SWT1: variants seen among roughly 807,000 people sequenced by gnomAD.
SWT1 encodes the protein SWT1 RNA endoribonuclease homolog, also known as transcriptional protein SWT1.
Under a neutral mutation model 107.3 loss-of-function variants are expected in SWT1, and 33 were observed. That is an observed-to-expected ratio of 0.31 (90% CI 0.23 to 0.41). The LOEUF (loss-of-function observed/expected upper bound fraction) is 0.41, where lower values mean the gene tolerates loss of function less well. Among genes scored for constraint, SWT1 ranks in the 10% least tolerant of loss-of-function variants. The pLI, the probability that SWT1 is intolerant of heterozygous loss-of-function variation, is 1.00. For missense variants in SWT1, 898 were observed against 1,028.9 expected, an observed-to-expected ratio of 0.87 and a Z score of 1.74; for synonymous variants, 345 against 348.3, an observed-to-expected ratio of 0.99 and a Z score of 0.11.
chr1:185,207,402 C>G (rs1658422284), intron 13 of SWT1, among the ~76,000 whole-genome samples: 1 of 152,136 alleles, frequency 6.6e-6, no homozygotes, highest in Non-Finnish European at 1.5e-5. Context: ...CTTTGGCCCT[C>G]AACCCCAACT....
At chr1:185,183,810 C>T (rs966983521) in intron 7 of SWT1, among the ~76,000 whole-genome samples, 1 of 152,138 alleles carries the variant, frequency 6.6e-6, no homozygotes. Context: ...TCTTAAGAAT[C>T]GAAGTAAAAG....
chr1:185,188,107 C>G (rs1327610669), intron 9 of SWT1, among the ~76,000 whole-genome samples: 1 of 152,078 alleles, frequency 6.6e-6, no homozygotes, highest in Non-Finnish European at 1.5e-5. Context: ...AAAACTTCAC[C>G]CAAGGATACA....
At chr1:185,206,826 C>A in intron 13 of SWT1, 63 bp downstream of exon 13, 1 of 1,145,714 alleles carries the variant, frequency 8.7e-7, no homozygotes, top group Non-Finnish European at 1.2e-6. Context: ...AGATATATTT[C>A]CTGGGATGTG....
At chr1:185,164,171 A>G (rs538267517) in intron 2 of SWT1, among the ~76,000 whole-genome samples, 1 of 151,100 alleles carries the variant, frequency 6.6e-6, no homozygotes, top group South Asian at 2.1e-4. Flanking sequence ...TTTGAAAGGA[A>G]TCTTTTTTTT....
intron 16 of SWT1, among the ~76,000 whole-genome samples, chr1:185,239,206 A>C (rs1661097037): frequency 6.6e-6 from 1 of 152,126 alleles, no homozygotes; most frequent in South Asian, 2.1e-4. Context: ...GACTTTGGGC[A>C]TGTCATTTAC....
chr1:185,214,892 T>TCC (rs1307470280), intron 14 of SWT1, among the ~76,000 whole-genome samples: 6 of 152,188 alleles, frequency 3.9e-5, no homozygotes, highest in African/African-American at 1.4e-4. Context: ...TATATTATTT[T>TCC]CACTTATGGA....
intron 15 of SWT1, 77 bp from the exon 16 acceptor site, chr1:185,231,500 A>C: frequency 9.8e-7 from 1 of 1,019,230 alleles, no homozygotes; most frequent in Non-Finnish European, 1.5e-6. Context: ...TTTACTTTAT[A>C]CATTTGCAGC....
In SWT1 at chr1:185,166,618, C is replaced by T; in HGVS notation, c.131C>T (p.Ser44Phe). The T allele has an allele frequency of 6.2e-7, 1 of 1,604,202 alleles. No individual in the cohort carries two copies. Reference protein sequence around the residue: ...KTPASSTSSSSIRSVSSEKRK... With the variant: ...KTPASSTSSSFIRSVSSEKRK... ...CCAGCAAGTTCTACTAGTTCATCTT[C>T]TATAAGATCAGTTTCATCAGAAAAG... The change falls in exon 3 of 19, where the codon TCT becomes TTT. Residue 44 changes from serine to phenylalanine, a missense_variant. Transcript: ENST00000367500.
chr1:185,277,053 T>C (rs1664289859), intron 18 of SWT1, among the ~76,000 whole-genome samples: 1 of 152,140 alleles, frequency 6.6e-6, no homozygotes, highest in South Asian at 2.1e-4. Context: ...TTAAGATAAA[T>C]AAAATATTAT....
chr1:185,288,854 G>A (rs1273819878), intron 18 of SWT1, among the ~76,000 whole-genome samples: 1 of 152,168 alleles, frequency 6.6e-6, no homozygotes, highest in African/African-American at 2.4e-5. Flanking sequence ...TCCACAATTT[G>A]TAGTCTCATG....
chr1:185,288,420 G>C (rs1200254622), intron 18 of SWT1, among the ~76,000 whole-genome samples: 1 of 152,052 alleles, frequency 6.6e-6, no homozygotes, highest in Non-Finnish European at 1.5e-5. Context: ...GTCAAGAAGT[G>C]ACATTATTCC....
chr1:185,254,757 G>A (rs1472283763), intron 16 of SWT1, among the ~76,000 whole-genome samples: 1 of 150,252 alleles, frequency 6.7e-6, no homozygotes, highest in Non-Finnish European at 1.5e-5. Flanking sequence ...TTTTTTGAAG[G>A]GTTTTTTGTG....
chr1:185,235,907 TAAC>T (rs1367665526), intron 16 of SWT1, among the ~76,000 whole-genome samples: 1 of 150,490 alleles, frequency 6.6e-6, no homozygotes, highest in Admixed American at 6.6e-5. Context: ...TTTACAATAA[TAAC>T]AAACAGCCAA....
chr1:185,239,087 G>A (rs951472163), intron 16 of SWT1, among the ~76,000 whole-genome samples: 11 of 152,054 alleles, frequency 7.2e-5, no homozygotes, highest in Middle Eastern at 3.4e-3. Flanking sequence ...ATTGGGGCTC[G>A]ATAATCAGGT....
intron 17 of SWT1, among the ~76,000 whole-genome samples, chr1:185,272,208 A>G (rs1571681707): frequency 6.6e-6 from 1 of 152,238 alleles, no homozygotes; most frequent in Non-Finnish European, 1.5e-5. Flanking sequence ...CTGGAGGTAG[A>G]ACTATAATGA....
rs772807115 is a variant in SWT1, at chr1:185,180,414, C to T, written c.990C>T (p.Ser330=). Residue 330 remains serine, a synonymous_variant, in exon 6 of 19, where the codon TCC becomes TCT. Coordinates refer to ENST00000367500, the MANE Select transcript of SWT1 (RefSeq NM_017673.7). ...AGAGTTTTGAAGCACCATGTTGTTC[C>T]GTGTCATCTGAAAGTATCCAGGATG... ...LTQSFEAPCC[S]VSSESIQDAD... is the part of the protein sequence containing the mutation. 2.9e-5 allele frequency: 47 copies of T among 1,613,068 alleles called. No homozygotes were observed. The highest frequency in any genetic ancestry group is 3.3e-5 in the Non-Finnish European group (39 of 1,179,248).
intron 16 of SWT1, among the ~76,000 whole-genome samples, chr1:185,232,085 G>A (rs1215974667): frequency 1.3e-5 from 2 of 151,970 alleles, no homozygotes; most frequent in African/African-American, 4.8e-5. Flanking sequence ...AATATACAAG[G>A]CATTTTTGCC....
At chr1:185,188,619 G>A (rs1656691215) in intron 9 of SWT1, among the ~76,000 whole-genome samples, 1 of 152,120 alleles carries the variant, frequency 6.6e-6, no homozygotes, top group South Asian at 2.1e-4. Flanking sequence ...GCTTAGCATG[G>A]CACAAATTAA....
In SWT1 at chr1:185,190,656, T is replaced by C; in HGVS notation, c.1523+14T>C. 1 of 1,464,928 alleles carries C rather than the reference T, an allele frequency of 6.8e-7. No homozygotes were observed. Among genetic ancestry groups the C allele is most frequent in the African/African-American group, 1.4e-5 (1 of 71,368 alleles). 90.7% of individuals were successfully genotyped at this position (1,464,928 alleles called of 1,614,324 possible). ...TATTCTGTGCACGTGAGTTTCATAG[T>C]CATTTGACTTTTTATTTTTAAAAAA... On this transcript the variant is annotated intron_variant, in intron 10 of 18. Transcript: ENST00000367500.
Sources: allele counts gnomAD v4.1 joint callset (sites outside exome capture counted in the v4.1 genomes callset), GRCh38; gene constraint gnomAD v4.1.1; transcripts MANE v1.5; gene names NCBI Gene and HGNC (gene_info 2026-07-23, HGNC 2026-07-21).